SUGCT: variants seen among roughly 807,000 people sequenced by gnomAD.
SUGCT encodes the protein succinyl-CoA:glutarate CoA-transferase.
SUGCT carries 41 observed loss-of-function variants against 55.0 expected under a neutral mutation model. The observed-to-expected ratio is 0.74, with a 90% confidence interval of 0.58 to 0.97. The LOEUF (loss-of-function observed/expected upper bound fraction) is 0.97, where lower values mean the gene tolerates loss of function less well. Ranked by LOEUF, SUGCT falls within the 50% of genes least tolerant of loss-of-function variation. The probability of loss-of-function intolerance (pLI) is 0.00; values close to 1 mark genes in which losing one functional copy is unlikely to be tolerated. For synonymous variants in SUGCT, 187 were observed against 200.4 expected, an observed-to-expected ratio of 0.93 and a Z score of 0.56; for missense variants, 568 against 547.8, an observed-to-expected ratio of 1.04 and a Z score of -0.37.
rs1400243651 is a variant in SUGCT at position 40,772,552 on chromosome 7, ATC to A, written c.1153+23057_1153+23058del. 5.1e-5 allele frequency among the ~76,000 whole-genome samples: 7 copies of A among 136,580 alleles called. 1 individual carries two copies. Among genetic ancestry groups the A allele is most frequent in the African/African-American group, 1.6e-4 (6 of 36,922 alleles). The allele number at this position is 136,580 out of a possible 152,430, so 89.6% of individuals were successfully genotyped here. On this transcript the variant is annotated intron_variant, in intron 13 of 13. Coordinates refer to ENST00000335693, the MANE Select transcript of SUGCT (RefSeq NM_001193313.2). ...TATCTATCTATCTATCTATCTATCT[ATC>A]TATCTATCTGGTGTTATCTATCTGC...
intron 13 of SUGCT, among the ~76,000 whole-genome samples, chr7:40,771,159 T>G (rs996750478): frequency 1.3e-5 from 2 of 152,200 alleles, no homozygotes; most frequent in African/African-American, 2.4e-5. Context: ...TGTGTGTGTA[T>G]GTTTTGTTTC....
intron 7 of SUGCT, among the ~76,000 whole-genome samples, chr7:40,253,845 C>T (rs1790613371): frequency 6.6e-6 from 1 of 152,212 alleles, no homozygotes; most frequent in Admixed American, 6.5e-5. Context: ...TAACTAGATT[C>T]TTAGTTAGTT....
intron 9 of SUGCT, among the ~76,000 whole-genome samples, chr7:40,371,505 G>A (rs545885853): frequency 3.3e-5 from 5 of 152,010 alleles, no homozygotes; most frequent in African/African-American, 9.7e-5. Flanking sequence ...TGCACTTCAG[G>A]TTCCTAAAAG....
intron 12 of SUGCT, among the ~76,000 whole-genome samples, chr7:40,740,006 G>A (rs899928005): frequency 6.6e-6 from 1 of 152,106 alleles, no homozygotes; most frequent in African/African-American, 2.4e-5. Flanking sequence ...GGAGAATTGG[G>A]ATCTTTACTA....
At chr7:40,598,756 C>G (rs917787558) in intron 12 of SUGCT, among the ~76,000 whole-genome samples, 3 of 152,156 alleles carry the variant, frequency 2.0e-5, no homozygotes, top group Non-Finnish European at 2.9e-5. Flanking sequence ...AAGATGGTAA[C>G]TTTGACCAAT....
chr7:41,009,494 A>G, the SUGCT span, among the ~76,000 whole-genome samples: 2 of 152,036 alleles, frequency 1.3e-5, no homozygotes, highest in African/African-American at 4.8e-5. Flanking sequence ...CCATCTATGT[A>G]TCCATCCACC....
chr7:40,539,364 G>T (rs1255474351), intron 12 of SUGCT: 1 of 152,062 alleles, frequency 6.6e-6, no homozygotes, highest in Non-Finnish European at 1.5e-5. Flanking sequence ...GGAAAATCTG[G>T]GGAAAGGAAA....
intron 12 of SUGCT, among the ~76,000 whole-genome samples, chr7:40,521,326 C>T (rs1321729130): frequency 2.0e-5 from 3 of 152,080 alleles, no homozygotes; most frequent in Non-Finnish European, 4.4e-5. Context: ...CTTTCTTGCT[C>T]CTGCTCCAGT....
At chr7:40,830,720 C>G (rs1399955006) in intron 13 of SUGCT, among the ~76,000 whole-genome samples, 1 of 152,172 alleles carries the variant, frequency 6.6e-6, no homozygotes, top group Admixed American at 6.5e-5. Flanking sequence ...TAATTATTGA[C>G]CAGCTCATTG....
chr7:41,034,944 C>T, the SUGCT span, among the ~76,000 whole-genome samples: 9 of 152,272 alleles, frequency 5.9e-5, no homozygotes, highest in South Asian at 1.7e-3. Context: ...CCTTCCAGAC[C>T]GTCTCAGCAT....
At chr7:40,200,543 C>T (rs1786533561) in intron 6 of SUGCT, among the ~76,000 whole-genome samples, 1 of 151,636 alleles carries the variant, frequency 6.6e-6, no homozygotes, top group Non-Finnish European at 1.5e-5. Context: ...TGCAAAGGCT[C>T]CGTGGTAGGA....
intron 9 of SUGCT, among the ~76,000 whole-genome samples, chr7:40,348,320 A>G (rs1452863363): frequency 6.6e-6 from 1 of 152,176 alleles, no homozygotes; most frequent in Non-Finnish European, 1.5e-5. Flanking sequence ...CCGGAGCTCT[A>G]GTGGAATTTT....
chr7:40,673,109 A>G (rs1802023488), intron 12 of SUGCT, among the ~76,000 whole-genome samples: 2 of 152,158 alleles, frequency 1.3e-5, no homozygotes, highest in African/African-American at 4.8e-5. Context: ...ATAACTTATA[A>G]CTAGTTTTGT....
chr7:40,578,699 C>T (rs1291572275), intron 12 of SUGCT, among the ~76,000 whole-genome samples: 3 of 152,102 alleles, frequency 2.0e-5, no homozygotes, highest in African/African-American at 4.8e-5. Context: ...TCAACTCAGG[C>T]GATTCTCTTA....
chr7:40,221,751 A>G (rs371458992), intron 6 of SUGCT, among the ~76,000 whole-genome samples: 13 of 152,232 alleles, frequency 8.5e-5, no homozygotes, highest in African/African-American at 3.1e-4. Flanking sequence ...TCAGCCTCCC[A>G]AAGTGCTGGG....
intron 8 of SUGCT, among the ~76,000 whole-genome samples, chr7:40,308,755 A>G (rs757766037): frequency 2.6e-5 from 4 of 152,320 alleles, no homozygotes; most frequent in Non-Finnish European, 5.9e-5. Flanking sequence ...TCATGCCTGT[A>G]ATTCTAGCAT....
At chr7:40,779,319 C>T (rs745455125) in intron 13 of SUGCT, among the ~76,000 whole-genome samples, 3 of 152,186 alleles carry the variant, frequency 2.0e-5, no homozygotes, top group Non-Finnish European at 2.9e-5. Flanking sequence ...CAGCATCTCT[C>T]TGTTCATCTG....
Position 40,776,292 on chromosome 7 carries a change from G to T in SUGCT, c.1153+26795G>T, listed in dbSNP as rs796458859. On this transcript the variant is annotated intron_variant, in intron 13 of 13. Transcript: ENST00000335693. ...TCAAAATAGGAAAAAGAACACAAAA[G>T]CACGTGTGTTCAGAAGGGAGACTCC... Among the ~76,000 whole-genome samples, 8 of 152,278 alleles carry T rather than the reference G, an allele frequency of 5.3e-5. 1 individual carries two copies. Among genetic ancestry groups the T allele is most frequent in the African/African-American group, 1.9e-4 (8 of 41,554 alleles).
the SUGCT span, among the ~76,000 whole-genome samples, chr7:40,932,375 C>T: frequency 3.9e-5 from 6 of 152,104 alleles, no homozygotes; most frequent in Admixed American, 6.6e-5. Flanking sequence ...AAGTGCAGTG[C>T]GGTGCTGAGA....
Sources: gnomAD v4.1 joint callset for allele counts (sites outside exome capture counted in the v4.1 genomes callset) on GRCh38, gnomAD v4.1.1 for gene constraint, MANE v1.5 for transcripts, NCBI Gene and HGNC (gene_info 2026-07-23, HGNC 2026-07-21) for gene names.